MSRA: variants seen among roughly 807,000 people sequenced by gnomAD.
MSRA encodes the protein methionine sulfoxide reductase A.
A neutral mutation model predicts 31.3 loss-of-function variants in MSRA; 54 were observed. The observed-to-expected ratio is 1.73, with a 90% CI of 1.39 to 2.17. MSRA has a LOEUF of 2.17. MSRA is among the 30% of genes most tolerant of loss of function. The pLI is 0.00. For synonymous variants in MSRA, 169 were observed against 116.5 expected, an observed-to-expected ratio of 1.45 and a Z score of -2.90; for missense variants, 507 against 300.9, an observed-to-expected ratio of 1.69 and a Z score of -5.07.
At chr8:10,303,768 C>T (rs1482785680) in intron 4 of MSRA, among the ~76,000 whole-genome samples, 1 of 152,148 alleles carries the variant, frequency 6.6e-6, no homozygotes, top group South Asian at 2.1e-4. Context: ...GGCGAGAGAT[C>T]CTCCGTCAGG....
At chr8:10,335,993 A>G (rs911539380) in intron 5 of MSRA, among the ~76,000 whole-genome samples, 1 of 152,052 alleles carries the variant, frequency 6.6e-6, no homozygotes, top group Non-Finnish European at 1.5e-5. Flanking sequence ...CCATTCTGTC[A>G]CTGGGCCAGG....
intron 5 of MSRA, among the ~76,000 whole-genome samples, chr8:10,387,799 C>T (rs1585651420): frequency 6.6e-6 from 1 of 152,180 alleles, no homozygotes; most frequent in Non-Finnish European, 1.5e-5. Flanking sequence ...GGGAGGGGCT[C>T]TTAAGACAAT....
intron 1 of MSRA, among the ~76,000 whole-genome samples, chr8:10,180,219 G>T (rs1806420131): frequency 6.6e-6 from 1 of 152,140 alleles, no homozygotes; most frequent in African/African-American, 2.4e-5. Context: ...ATGGCTCACA[G>T]ATCTCAGAAT....
chr8:10,307,454 C>G (rs1307757715), intron 4 of MSRA, among the ~76,000 whole-genome samples: 1 of 152,206 alleles, frequency 6.6e-6, no homozygotes, highest in East Asian at 1.9e-4. Flanking sequence ...GAGGTGGCCA[C>G]TGCGCCCAGC....
chr8:10,162,764 C>G (rs920931480), intron 1 of MSRA, among the ~76,000 whole-genome samples: 2 of 152,178 alleles, frequency 1.3e-5, no homozygotes, highest in African/African-American at 4.8e-5. Flanking sequence ...GAGGTAGGCA[C>G]TGAAACCATT....
At chr8:10,081,997 T>C (rs929285346) in intron 1 of MSRA, among the ~76,000 whole-genome samples, 1 of 151,770 alleles carries the variant, frequency 6.6e-6, no homozygotes. Flanking sequence ...AAGCTCAGAG[T>C]TTGAGACTAG....
chr8:10,156,692 CT>C (rs1353368282), intron 1 of MSRA, among the ~76,000 whole-genome samples: 2 of 151,970 alleles, frequency 1.3e-5, no homozygotes, highest in African/African-American at 4.8e-5. Flanking sequence ...TCCACTGCCC[CT>C]ACCAGAGAAA....
intron 5 of MSRA, among the ~76,000 whole-genome samples, chr8:10,354,817 A>T (rs762649218): frequency 6.6e-6 from 1 of 150,408 alleles, no homozygotes; most frequent in African/African-American, 2.4e-5. Flanking sequence ...TGTTATCACT[A>T]TGTAGTCTCA....
chr8:10,180,547 C>G (rs1385983603), intron 1 of MSRA, among the ~76,000 whole-genome samples: 2 of 152,136 alleles, frequency 1.3e-5, no homozygotes, highest in African/African-American at 4.8e-5. Context: ...GAGCCAGTCC[C>G]AAGCCACCTG....
intron 1 of MSRA, among the ~76,000 whole-genome samples, chr8:10,106,600 G>T (rs1484983718): frequency 6.6e-6 from 1 of 152,192 alleles, no homozygotes; most frequent in Non-Finnish European, 1.5e-5. Context: ...AGGAAATAGA[G>T]GCCCAGAGAA....
intron 1 of MSRA, among the ~76,000 whole-genome samples, chr8:10,166,462 T>A (rs1488373117): frequency 6.6e-6 from 1 of 152,192 alleles, no homozygotes; most frequent in Non-Finnish European, 1.5e-5. Flanking sequence ...ACATATGTTA[T>A]ATTTACATGA....
Position 10,319,876 on chromosome 8 carries a change from T to A in MSRA, c.437-7T>A. Reference sequence around the variant, plus strand: ...CGGGTAACCCTCCCTGTTTTCTGCTTTCCTAGGTATGCGCCAGGGGAACGA... The same window carrying A: ...CGGGTAACCCTCCCTGTTTTCTGCTATCCTAGGTATGCGCCAGGGGAACGA... On this transcript the variant is annotated splice_polypyrimidine_tract_variant and splice_region_variant and intron_variant, in intron 4 of 5. Coordinates refer to ENST00000317173, the MANE Select transcript of MSRA (RefSeq NM_012331.5). 1 of 1,514,288 alleles carries A rather than the reference T, an allele frequency of 6.6e-7. No individual in the cohort carries two copies. The highest frequency in any genetic ancestry group is 1.4e-5 in the African/African-American group (1 of 71,704). The allele number at this position is 1,514,288 out of a possible 1,614,324, so 93.8% of individuals were successfully genotyped here.
At chr8:10,235,124 G>C (rs2129075325) in intron 2 of MSRA, among the ~76,000 whole-genome samples, 1 of 152,216 alleles carries the variant, frequency 6.6e-6, no homozygotes, top group African/African-American at 2.4e-5. Flanking sequence ...GAAATTTTAT[G>C]CTTTTCAAGC....
chr8:10,146,102 T>C (rs143933580), intron 1 of MSRA, among the ~76,000 whole-genome samples: 2 of 152,338 alleles, frequency 1.3e-5, no homozygotes, highest in East Asian at 3.9e-4. Context: ...AAATGGTTCC[T>C]GCTGTCCAGG....
intron 1 of MSRA, among the ~76,000 whole-genome samples, chr8:10,133,056 C>G (rs1242964115): frequency 6.6e-6 from 1 of 152,156 alleles, no homozygotes; most frequent in Non-Finnish European, 1.5e-5. Context: ...AGGCCTACAG[C>G]CATCCAACTC....
intron 2 of MSRA, among the ~76,000 whole-genome samples, chr8:10,209,245 A>G (rs1809273389): frequency 1.3e-5 from 2 of 152,268 alleles, no homozygotes; most frequent in Non-Finnish European, 2.9e-5. Context: ...CAAATGTCAC[A>G]TATATCAATG....
At chr8:10,197,399 C>A (rs943771062) in intron 1 of MSRA, among the ~76,000 whole-genome samples, 8 of 152,078 alleles carry the variant, frequency 5.3e-5, no homozygotes, top group African/African-American at 1.9e-4. Context: ...CTGGTGCTTG[C>A]CGGAGATGCA....
intron 2 of MSRA, among the ~76,000 whole-genome samples, chr8:10,227,717 TAAAGC>T (rs1406028706): frequency 6.6e-6 from 1 of 152,128 alleles, no homozygotes; most frequent in Admixed American, 6.5e-5. Flanking sequence ...TTAATCAAAT[TAAAGC>T]AGCATTAGGA....
chr8:10,139,845 T>A (rs777581309), intron 1 of MSRA, among the ~76,000 whole-genome samples: 2 of 152,240 alleles, frequency 1.3e-5, no homozygotes, highest in Non-Finnish European at 2.9e-5. Flanking sequence ...GAAAGTGTCC[T>A]GAGTGTAAGA....
Sources: allele counts gnomAD v4.1 joint callset (sites outside exome capture counted in the v4.1 genomes callset), GRCh38; gene constraint gnomAD v4.1.1; transcripts MANE v1.5; gene names NCBI Gene and HGNC (gene_info 2026-07-23, HGNC 2026-07-21).